Variants in ATG2B observed in about 807,000 individuals in gnomAD.
The protein encoded by ATG2B is autophagy-related protein 2 homolog B.
Under a neutral mutation model 241.3 loss-of-function variants are expected in ATG2B, and 121 were observed. That is an observed-to-expected ratio of 0.50 (90% confidence interval 0.43 to 0.58). ATG2B has a LOEUF of 0.58. Ranked by LOEUF, ATG2B falls within the 20% of genes least tolerant of loss-of-function variation. The probability of loss-of-function intolerance (pLI) is 0.00; values close to 1 mark genes in which losing one functional copy is unlikely to be tolerated. For missense variants in ATG2B, 2,306 were observed against 2,491.6 expected, an observed-to-expected ratio of 0.93 and a Z score of 1.59; for synonymous variants, 858 against 876.6, an observed-to-expected ratio of 0.98 and a Z score of 0.37.
At chr14:96,340,926 GAAA>G (rs34515724) in intron 6 of ATG2B, among the ~76,000 whole-genome samples, 2 of 112,986 alleles carry the variant, frequency 1.8e-5, no homozygotes, top group Non-Finnish European at 3.5e-5. Flanking sequence ...ACCCCATCTC[GAAA>G]AAAAAAAAAA....
At chr14:96,329,716 C>A (rs1413537038) in intron 11 of ATG2B, 82 bp from the exon 12 acceptor site, 14 of 859,878 alleles carry the variant, frequency 1.6e-5, no homozygotes, top group Non-Finnish European at 2.0e-5. Context: ...TTCAAGTTAT[C>A]AATAATTAAT....
At position 96,348,433 on chromosome 14, in the gene ATG2B, G is replaced by A. The variant is rs142622036; in HGVS notation, c.163-1092C>T. On this transcript the variant is annotated intron_variant, in intron 1 of 41. Transcript: ENST00000359933. The stretch of plus-strand genomic sequence containing the variant: ...CATGGTGGCTCACACCTATAATCCC[G>A]GCACTTTGGGAGGCTGAGACGGGCA... 5.0e-4 allele frequency among the ~76,000 whole-genome samples: 76 copies of A among 152,138 alleles called. No homozygotes were observed. The South Asian group carries it at 8.7e-3, about 17-fold the overall frequency.
At chr14:96,359,295 T>C (rs1025072383) in intron 1 of ATG2B, among the ~76,000 whole-genome samples, 4 of 152,002 alleles carry the variant, frequency 2.6e-5, no homozygotes, top group Non-Finnish European at 2.9e-5. Flanking sequence ...GGAGGATCGC[T>C]TGAGCCTAGC....
intron 6 of ATG2B, among the ~76,000 whole-genome samples, chr14:96,336,116 C>T (rs1356744883): frequency 6.7e-6 from 1 of 150,050 alleles, no homozygotes; most frequent in Non-Finnish European, 1.5e-5. Context: ...GAAACACAGA[C>T]TTACACACTA....
rs757728241 is a variant in ATG2B, at chr14:96,347,218, T to C, written c.286A>G (p.Arg96Gly). ...LLQDNCALEV[R>G]GLEMVFRPRP... is the part of the protein sequence containing the mutation. Reference sequence around the variant, plus strand: ...GGCCGGAAGACCATTTCTAATCCTCTCACTTCCAGTGCACAATTATCCTGC... The same window carrying C: ...GGCCGGAAGACCATTTCTAATCCTCCCACTTCCAGTGCACAATTATCCTGC... The change falls in exon 2 of 42, where the codon AGA becomes GGA. Residue 96 changes from arginine (R) to glycine (G), a missense_variant. This residue lies in a region of ATG2B where 1,927 missense variants were observed against 2,011.2 expected (regional missense o/e 0.96). Coordinates refer to ENST00000359933, the MANE Select transcript of ATG2B (RefSeq NM_018036.7). 1.2e-6 allele frequency: 2 copies of C among 1,606,464 alleles called. No homozygotes were observed. The highest frequency in any genetic ancestry group is 1.7e-6 in the Non-Finnish European group (2 of 1,174,204).
Position 96,290,440 on chromosome 14 carries a change from A to G in ATG2B, c.5852T>C (p.Ile1951Thr). 1.2e-6 allele frequency: 2 copies of G among 1,614,150 alleles called. No homozygotes were observed. Among genetic ancestry groups the G allele is most frequent in the Non-Finnish European group, 1.7e-6 (2 of 1,179,992 alleles). Residue 1951 changes from isoleucine to threonine, a missense_variant, in exon 40 of 42, where the codon ATA becomes ACA. Ile to Thr is a moderately conservative substitution (Grantham distance 89, BLOSUM62 -1). Around this residue, in one of 2 missense-constraint regions of ATG2B, gnomAD observed 379 missense variants for 480.4 expected, o/e 0.79. Transcript: ENST00000359933. This position sits in a 1 kb window ranked among gnomAD's most constrained non-coding sequence, Gnocchi z 4.4. ...TAAGGCAGTCTAAAAAGATACCTGT[A>G]TGGTTTGAACCATTCTGTTTGTGAG... ...LELTNRMVQT[I>T]QAAAETAYDM...
chr14:96,351,841 G>A (rs1456833373), intron 1 of ATG2B, among the ~76,000 whole-genome samples: 1 of 150,506 alleles, frequency 6.6e-6, no homozygotes, highest in Non-Finnish European at 1.5e-5. Context: ...GGTCAAGGCT[G>A]CGGTTGAGCT....
chr14:96,351,419 T>C (rs1224212688), intron 1 of ATG2B, among the ~76,000 whole-genome samples: 2 of 152,110 alleles, frequency 1.3e-5, no homozygotes, highest in African/African-American at 4.8e-5. Context: ...CTGGGAGACA[T>C]GGTGAAACTC....
chr14:96,299,520 G>A (rs1198605660), intron 34 of ATG2B, among the ~76,000 whole-genome samples: 1 of 152,166 alleles, frequency 6.6e-6, no homozygotes, highest in Non-Finnish European at 1.5e-5. Flanking sequence ...TCACCAAATG[G>A]TCTTGAATGA....
At chr14:96,332,253 C>T in intron 10 of ATG2B, 52 bp downstream of exon 10, 1 of 1,393,258 alleles carries the variant, frequency 7.2e-7, no homozygotes, top group Admixed American at 1.8e-5. Context: ...AGTAGAATGG[C>T]ATTTTAAAAA....
chr14:96,315,237 A>G lies in ATG2B; in HGVS notation c.3562-3T>C. 6.2e-7 allele frequency: 1 copy of G among 1,613,138 alleles called. No individual in the cohort carries two copies. The highest frequency in any genetic ancestry group is 8.5e-7 in the Non-Finnish European group (1 of 1,179,140). ...AGTCCTACGGCAATGAGAAATTCCT[A>G]TACAGAACAAGACAAAGAATGACAT... On this transcript the variant is annotated splice_polypyrimidine_tract_variant and splice_region_variant and intron_variant, in intron 22 of 41. Coordinates refer to ENST00000359933, the MANE Select transcript of ATG2B (RefSeq NM_018036.7).
At chr14:96,294,427 C>T (rs1039161958) in intron 36 of ATG2B, among the ~76,000 whole-genome samples, 11 of 152,258 alleles carry the variant, frequency 7.2e-5, no homozygotes, top group African/African-American at 2.6e-4. Context: ...TCGAGCTGGC[C>T]GAGCCGTTGG....
chr14:96,351,937 A>C (rs1368456541), intron 1 of ATG2B, among the ~76,000 whole-genome samples: 1 of 151,586 alleles, frequency 6.6e-6, no homozygotes, highest in Non-Finnish European at 1.5e-5. Flanking sequence ...TTTTATGCTT[A>C]TCAAAATGCA....
chr14:96,304,450 C>A lies in ATG2B; in HGVS notation c.4842+45G>T, dbSNP rs367695496. The stretch of plus-strand genomic sequence containing the variant: ...TGGGGGATAACAAAAGAACCCCCCG[C>A]CAATATCCTACTTAAGTGGATTTTT... On this transcript the variant is annotated intron_variant, in intron 32 of 41. Transcript: ENST00000359933. The A allele has an allele frequency of 4.6e-5, 68 of 1,463,028 alleles. No homozygotes were observed. The African/African-American group carries it at 8.1e-4, about 17-fold the overall frequency. The allele number at this position is 1,463,028 out of a possible 1,614,324, so 90.6% of individuals were successfully genotyped here.
rs1027459903 is a variant in ATG2B, at chr14:96,361,482, T to G, written c.162+1333A>C. On this transcript the variant is annotated intron_variant, in intron 1 of 41. Transcript: ENST00000359933. ...ACCCACAAAAGGCATTAATAAATCCTGAACCCTCTTTTTTCAAGATAACCT... is the reference window on the plus strand; with the variant it reads ...ACCCACAAAAGGCATTAATAAATCCGGAACCCTCTTTTTTCAAGATAACCT... Among the ~76,000 whole-genome samples, 15 of 152,214 alleles carry G rather than the reference T, an allele frequency of 9.9e-5. 1 individual carries two copies. The highest frequency in any genetic ancestry group is 4.6e-4 in the Admixed American group (7 of 15,288).
intron 34 of ATG2B, among the ~76,000 whole-genome samples, chr14:96,296,560 G>C (rs2139841892): frequency 6.6e-6 from 1 of 152,096 alleles, no homozygotes; most frequent in East Asian, 1.9e-4. Flanking sequence ...AGGAGTTCAA[G>C]ACCAGCCTGG....
chr14:96,316,265 G>A (rs1887308661), intron 21 of ATG2B, among the ~76,000 whole-genome samples: 1 of 152,148 alleles, frequency 6.6e-6, no homozygotes, highest in African/African-American at 2.4e-5. Flanking sequence ...TATGGTGACG[G>A]TTGCATAACT....
chr14:96,320,084 T>A (rs1032213166), intron 18 of ATG2B, among the ~76,000 whole-genome samples: 1 of 152,066 alleles, frequency 6.6e-6, no homozygotes, highest in Non-Finnish European at 1.5e-5. Context: ...AGATACATAC[T>A]CTAATACACG....
intron 1 of ATG2B, among the ~76,000 whole-genome samples, chr14:96,361,272 A>G (rs1178145270): frequency 1.3e-5 from 2 of 152,234 alleles, no homozygotes; most frequent in South Asian, 4.1e-4. Flanking sequence ...GCCTAGTACA[A>G]TGCCTGACAT....
Sources: allele counts gnomAD v4.1 joint callset (sites outside exome capture counted in the v4.1 genomes callset), GRCh38; gene constraint gnomAD v4.1.1; regional missense constraint gnomAD v4.1.1; non-coding constraint Gnocchi (gnomAD v3.1); transcripts MANE v1.5; gene names NCBI Gene and HGNC (gene_info 2026-07-23, HGNC 2026-07-21).